The following NTRK3 variants were observed in gnomAD, a reference collection of about 807,000 sequenced individuals.
NTRK3 encodes neurotrophic receptor tyrosine kinase 3, also known as NT-3 growth factor receptor.
A neutral mutation model predicts 91.7 loss-of-function variants in NTRK3; 24 were observed. The ratio of observed to expected loss-of-function variants is 0.26; its 90% CI spans 0.19 to 0.37. The LOEUF is 0.37. NTRK3 is among the 10% of genes least tolerant of loss of function. The pLI is 1.00. For synonymous variants in NTRK3, 483 were observed against 404.0 expected, an observed-to-expected ratio of 1.20 and a Z score of -2.34; for missense variants, 880 against 1,068.9, an observed-to-expected ratio of 0.82 and a Z score of 2.46.
At chr15:88,206,356 C>CA (rs2048766755) in intron 3 of NTRK3, among the ~76,000 whole-genome samples, 1 of 126,224 alleles carries the variant, frequency 7.9e-6, no homozygotes, top group South Asian at 2.6e-4. Context: ...AAAAAAAAAC[C>CA]AAAAAACAAA....
chr15:88,191,163 CGTGTGTGTGTGTGTGTGTGTGTGTGT>C (rs60048541), intron 3 of NTRK3, among the ~76,000 whole-genome samples: 7 of 137,860 alleles, frequency 5.1e-5, no homozygotes, highest in Non-Finnish European at 1.1e-4. Context: ...TGATGTTTCC[CGTGTGTGTGTGTGTGTGTGTGTGTGT>C]GTGTGTGTGT....
intron 14 of NTRK3, among the ~76,000 whole-genome samples, chr15:88,006,758 G>A (rs576798992): frequency 3.3e-5 from 5 of 152,220 alleles, no homozygotes; most frequent in Non-Finnish European, 2.9e-5. Flanking sequence ...AGGGAGAGAA[G>A]TACGCAGAGG....
intron 5 of NTRK3, 43 bp from the exon 6 acceptor site, chr15:88,147,446 G>A (rs754220818): frequency 1.3e-6 from 2 of 1,529,152 alleles, no homozygotes; most frequent in South Asian, 1.1e-5. Flanking sequence ...AACAAGTCTG[G>A]CACAAATAAT....
chr15:88,171,985 T>A (rs984716012), intron 5 of NTRK3, among the ~76,000 whole-genome samples: 1 of 152,252 alleles, frequency 6.6e-6, no homozygotes, highest in East Asian at 1.9e-4. Flanking sequence ...CAGATGGGTT[T>A]CAAGGTGCAT....
At chr15:88,071,303 C>T (rs984939617) in intron 13 of NTRK3, among the ~76,000 whole-genome samples, 1 of 152,266 alleles carries the variant, frequency 6.6e-6, no homozygotes, top group African/African-American at 2.4e-5. Context: ...GGCCTCTCTT[C>T]ACCTTGCCTG....
At chr15:88,112,327 A>G (rs1234434840) in intron 13 of NTRK3, among the ~76,000 whole-genome samples, 1 of 152,212 alleles carries the variant, frequency 6.6e-6, no homozygotes, top group African/African-American at 2.4e-5. Flanking sequence ...GTAAAACACT[A>G]GTATCTTTAT....
chr15:88,216,194 T>C (rs1328193738), intron 3 of NTRK3, among the ~76,000 whole-genome samples: 1 of 152,180 alleles, frequency 6.6e-6, no homozygotes, highest in African/African-American at 2.4e-5. Flanking sequence ...TGTAGCTCAC[T>C]GGGGCAGGGA....
At chr15:87,942,272 C>T (rs7496097) in intron 14 of NTRK3, among the ~76,000 whole-genome samples, 33,250 of 152,196 alleles carry the variant, frequency 0.22, 3,692 homozygotes, top group South Asian at 0.25. Context: ...ACCGCTCCTC[C>T]CAAGCCACAG....
intron 13 of NTRK3, among the ~76,000 whole-genome samples, chr15:88,081,858 G>T (rs553180677): frequency 1.1e-4 from 16 of 152,252 alleles, no homozygotes; most frequent in Middle Eastern, 3.4e-3. Context: ...GAGGCCATTC[G>T]ATCAGAGCCC....
chr15:88,234,466 T>G lies in NTRK3; in HGVS notation c.248+21440A>C, dbSNP rs1201750540. 6.6e-6 allele frequency among the ~76,000 whole-genome samples: 1 copy of G among 152,206 alleles called. No homozygotes were observed. The highest frequency in any genetic ancestry group is 1.5e-5 in the Non-Finnish European group (1 of 68,034). ...CTCGACTTCCCCAGCCAGAATGAAC[T>G]TTCTTCAGCTTCTTAAAGACACCAT... is the stretch of plus-strand genomic sequence containing the variant. On this transcript the variant is annotated intron_variant, in intron 3 of 18. Transcript: ENST00000394480. The surrounding 1 kb of genome is among the most constrained non-coding windows in gnomAD (Gnocchi z 6.1).
Position 87,998,884 on chromosome 15 carries a change from C to A in NTRK3, c.1585+33973G>T, listed in dbSNP as rs139359417. Among the ~76,000 whole-genome samples, 1,107 of 152,246 alleles carry A rather than the reference C, an allele frequency of 7.3e-3. 10 individuals carry two copies. The highest frequency in any genetic ancestry group is 0.012 in the Non-Finnish European group (813 of 68,016). ...GTTCCAATAACCCTGGAAAGAAATG[C>A]CTTGCTGGTAGGGAGTGTGGGGGGA... On this transcript the variant is annotated intron_variant, in intron 14 of 18. Transcript: ENST00000394480.
chr15:88,039,353 T>C (rs945265657), intron 13 of NTRK3, among the ~76,000 whole-genome samples: 1 of 152,206 alleles, frequency 6.6e-6, no homozygotes, highest in Non-Finnish European at 1.5e-5. Flanking sequence ...CTGCACAGAC[T>C]CTCAATATCA....
At chr15:88,082,215 T>C (rs1326881584) in intron 13 of NTRK3, among the ~76,000 whole-genome samples, 1 of 151,338 alleles carries the variant, frequency 6.6e-6, no homozygotes, top group Non-Finnish European at 1.5e-5. Flanking sequence ...GAGGTGGAGC[T>C]TGCAGTGAGC....
chr15:88,072,246 C>T (rs1230457765), intron 13 of NTRK3, among the ~76,000 whole-genome samples: 1 of 151,998 alleles, frequency 6.6e-6, no homozygotes, highest in African/African-American at 2.4e-5. Context: ...CCTCATGATC[C>T]GACTGCCTCA....
At chr15:87,964,304 C>G (rs904441797) in intron 14 of NTRK3, among the ~76,000 whole-genome samples, 5 of 151,702 alleles carry the variant, frequency 3.3e-5, no homozygotes, top group Admixed American at 1.3e-4. Flanking sequence ...ACAGATAGAT[C>G]AATCTGTAGC....
intron 14 of NTRK3, among the ~76,000 whole-genome samples, chr15:87,948,716 A>T (rs1435218357): frequency 6.6e-6 from 1 of 152,152 alleles, no homozygotes; most frequent in Admixed American, 6.5e-5. Flanking sequence ...TAAAAAATAA[A>T]AATGATTAGT....
chr15:88,138,177 G>A (rs1465085739), intron 6 of NTRK3, among the ~76,000 whole-genome samples: 1 of 152,190 alleles, frequency 6.6e-6, no homozygotes, highest in African/African-American at 2.4e-5. Context: ...GCCGAGGTGG[G>A]AGGATCACAA....
chr15:88,066,161 G>A (rs2046634022), intron 13 of NTRK3, among the ~76,000 whole-genome samples: 1 of 152,136 alleles, frequency 6.6e-6, no homozygotes, highest in African/African-American at 2.4e-5. Context: ...TGATGATAAA[G>A]ACCTTGCTTT....
At chr15:87,886,743 C>G (rs1026284700) in intron 17 of NTRK3, among the ~76,000 whole-genome samples, 14 of 142,258 alleles carry the variant, frequency 9.8e-5, no homozygotes, top group Admixed American at 2.8e-4. Flanking sequence ...CATAAACACA[C>G]ACACACACAT....
Sources: allele counts gnomAD v4.1 joint callset (sites outside exome capture counted in the v4.1 genomes callset), GRCh38; gene constraint gnomAD v4.1.1; non-coding constraint Gnocchi (gnomAD v3.1); transcripts MANE v1.5; gene names NCBI Gene and HGNC (gene_info 2026-07-23, HGNC 2026-07-21).